Variants in CYRIA observed in about 807,000 individuals in gnomAD.
The protein encoded by CYRIA is CYFIP related Rac1 interactor A.
Under a neutral mutation model 43.9 loss-of-function variants are expected in CYRIA, and 15 were observed. The ratio of observed to expected loss-of-function variants is 0.34; its 90% CI spans 0.23 to 0.53. The LOEUF is 0.53. CYRIA is among the 20% of genes least tolerant of loss of function. The pLI is 0.94. For synonymous variants in CYRIA, 117 were observed against 136.0 expected (o/e 0.86, Z 0.97); for missense variants, 236 against 394.2 (o/e 0.60, Z 3.40).
chr2:16,553,302 C>T (rs1171290062), intron 11 of CYRIA, among the ~76,000 whole-genome samples: 1 of 152,146 alleles, frequency 6.6e-6, no homozygotes, highest in African/African-American at 2.4e-5. Flanking sequence ...ATCCTGACCA[C>T]TGAGGCTGCC....
At chr2:16,654,716 T>A (rs1395972183) in intron 1 of CYRIA, among the ~76,000 whole-genome samples, 1 of 152,150 alleles carries the variant, frequency 6.6e-6, no homozygotes, top group Non-Finnish European at 1.5e-5. Context: ...AAGGTGTCTG[T>A]GGGATGAAAA....
At chr2:16,559,346 T>A in intron 10 of CYRIA, 114 bp downstream of exon 10, 1 of 1,269,186 alleles carries the variant, frequency 7.9e-7, no homozygotes, top group South Asian at 1.5e-5. Flanking sequence ...GGGCTGTGCA[T>A]CTTAGAAAGA....
chr2:16,573,301 G>T (rs1667208712), intron 3 of CYRIA, among the ~76,000 whole-genome samples: 1 of 152,170 alleles, frequency 6.6e-6, no homozygotes, highest in Non-Finnish European at 1.5e-5. Context: ...AACTACCAAG[G>T]CTTGATCCCT....
At chr2:16,630,044 G>A (rs751099930) in intron 1 of CYRIA, among the ~76,000 whole-genome samples, 1 of 152,154 alleles carries the variant, frequency 6.6e-6, no homozygotes, top group Non-Finnish European at 1.5e-5. Flanking sequence ...CGCCGGTGAT[G>A]ATGGTGATGG....
At chr2:16,556,251 T>C (rs1235814457) in intron 10 of CYRIA, among the ~76,000 whole-genome samples, 4 of 152,054 alleles carry the variant, frequency 2.6e-5, no homozygotes, top group Admixed American at 2.6e-4. Flanking sequence ...GGGAATCATG[T>C]GAGGATCACT....
intron 10 of CYRIA, among the ~76,000 whole-genome samples, chr2:16,558,522 C>T (rs1413817213): frequency 3.3e-5 from 5 of 152,106 alleles, no homozygotes; most frequent in African/African-American, 4.8e-5. Flanking sequence ...TGCTATTCTG[C>T]ACTTTAAAGG....
chr2:16,639,524 C>T (rs1669609671), intron 1 of CYRIA, among the ~76,000 whole-genome samples: 1 of 152,236 alleles, frequency 6.6e-6, no homozygotes, highest in Non-Finnish European at 1.5e-5. Flanking sequence ...CAGCCTGCTG[C>T]CTAAGTACCT....
intron 9 of CYRIA, among the ~76,000 whole-genome samples, chr2:16,560,053 A>T (rs567125002): frequency 2.0e-5 from 3 of 152,304 alleles, no homozygotes; most frequent in South Asian, 2.1e-4. Flanking sequence ...AAAATACCTT[A>T]AAAAACTATG....
chr2:16,578,581 T>C (rs1245843304), intron 3 of CYRIA, among the ~76,000 whole-genome samples: 1 of 152,212 alleles, frequency 6.6e-6, no homozygotes, highest in Non-Finnish European at 1.5e-5. Context: ...TTGCTGTTTT[T>C]GCCATTGAAA....
intron 1 of CYRIA, among the ~76,000 whole-genome samples, chr2:16,625,103 G>A (rs1340538997): frequency 6.6e-6 from 1 of 152,044 alleles, no homozygotes. Flanking sequence ...AGCTGAAACT[G>A]TGGTAAGGGC....
intron 2 of CYRIA, among the ~76,000 whole-genome samples, chr2:16,589,559 C>A (rs540447383): frequency 6.6e-6 from 1 of 152,216 alleles, no homozygotes; most frequent in South Asian, 2.1e-4. Context: ...CAAGAGATTT[C>A]ATCTCCATAA....
chr2:16,579,382 A>G (rs1667465904), intron 3 of CYRIA, among the ~76,000 whole-genome samples: 4 of 151,674 alleles, frequency 2.6e-5, no homozygotes, highest in African/African-American at 9.7e-5. Flanking sequence ...TACATATGCA[A>G]GTAAATATGA....
At chr2:16,621,409 C>T (rs553715163) in intron 2 of CYRIA, among the ~76,000 whole-genome samples, 1 of 152,224 alleles carries the variant, frequency 6.6e-6, no homozygotes, top group East Asian at 1.9e-4. Context: ...AAGAATGGGG[C>T]CCAGACTCAT....
chr2:16,628,684 T>C (rs1025937714), intron 1 of CYRIA, among the ~76,000 whole-genome samples: 1 of 152,212 alleles, frequency 6.6e-6, no homozygotes, highest in African/African-American at 2.4e-5. Context: ...GTCCTAGGCA[T>C]GTAAGAACAT....
intron 2 of CYRIA, among the ~76,000 whole-genome samples, chr2:16,616,837 T>C (rs1290036731): frequency 2.0e-5 from 3 of 152,252 alleles, no homozygotes; most frequent in African/African-American, 7.2e-5. Flanking sequence ...CTTACAAGGT[T>C]GGTGCTATTA....
chr2:16,557,535 A>T (rs1558399895), intron 10 of CYRIA, among the ~76,000 whole-genome samples: 1 of 135,810 alleles, frequency 7.4e-6, no homozygotes, highest in Non-Finnish European at 1.5e-5. Flanking sequence ...TGGAGACCCT[A>T]TATGTCGTAA....
chr2:16,625,746 G>A (rs1669142638), intron 1 of CYRIA: 1 of 152,150 alleles, frequency 6.6e-6, no homozygotes, highest in South Asian at 2.1e-4. Flanking sequence ...TGTGGCTGAG[G>A]GGCCAGGCGT....
At chr2:16,609,987 G>T (rs1347329148) in intron 2 of CYRIA, among the ~76,000 whole-genome samples, 2 of 152,126 alleles carry the variant, frequency 1.3e-5, no homozygotes, top group Non-Finnish European at 2.9e-5. Context: ...AACCCAAGAT[G>T]GTACTCAGGG....
At chr2:16,574,702 T>C (rs760960918) in intron 3 of CYRIA, among the ~76,000 whole-genome samples, 1 of 152,144 alleles carries the variant, frequency 6.6e-6, no homozygotes, top group Non-Finnish European at 1.5e-5. Flanking sequence ...TCACATGTGG[T>C]GCTGAGTCTG....
Sources: allele counts gnomAD v4.1 joint callset (sites outside exome capture counted in the v4.1 genomes callset), GRCh38; gene constraint gnomAD v4.1.1; transcripts MANE v1.5; gene names NCBI Gene and HGNC (gene_info 2026-07-23, HGNC 2026-07-21).